The following ARSG variants were observed in gnomAD, a reference collection of about 807,000 sequenced individuals.
ARSG encodes arylsulfatase G.
ARSG carries 37 observed loss-of-function variants against 50.5 expected under a neutral mutation model. The observed-to-expected ratio is 0.73, with a 90% confidence interval of 0.56 to 0.96. ARSG has a LOEUF of 0.96. ARSG is among the 50% of genes least tolerant of loss of function. ARSG has a pLI of 0.00. For synonymous variants in ARSG, 225 were observed against 254.6 expected (o/e 0.88, Z 1.11); for missense variants, 629 against 675.3 (o/e 0.93, Z 0.76).
At chr17:68,434,578 CAT>C in the ARSG span, 2 of 1,613,938 alleles carry the variant, frequency 1.2e-6, no homozygotes, top group Non-Finnish European at 1.7e-6. Flanking sequence ...CTCCGGAACT[CAT>C]AGAGCTTTTG....
intron 6 of ARSG, among the ~76,000 whole-genome samples, chr17:68,364,383 T>G (rs2079443176): frequency 6.6e-6 from 1 of 152,186 alleles, no homozygotes; most frequent in Non-Finnish European, 1.5e-5. Context: ...TTTTGTTTTT[T>G]GTTTATTTGA....
intron 1 of ARSG, among the ~76,000 whole-genome samples, chr17:68,302,736 C>A (rs1356960083): frequency 6.6e-6 from 1 of 152,152 alleles, no homozygotes; most frequent in East Asian, 1.9e-4. Flanking sequence ...AGCTGATTGT[C>A]AACTAAAGTT....
In ARSG at chr17:68,420,572, G is replaced by A. The variant is rs1161517959; in HGVS notation, c.*109G>A. 14 of 1,336,922 alleles carry A rather than the reference G, an allele frequency of 1.0e-5. 1 individual carries two copies. The East Asian group carries it at 1.6e-4, about 15-fold the overall frequency. 82.8% of individuals were successfully genotyped at this position (1,336,922 alleles called of 1,614,324 possible). Reference sequence around the variant, plus strand: ...ACACACGCTTTAGTTTAGTCTTGGAGTTTAGTTTTGGAGTTAGCCTTGCAT... The same window carrying A: ...ACACACGCTTTAGTTTAGTCTTGGAATTTAGTTTTGGAGTTAGCCTTGCAT... On this transcript the variant is annotated 3_prime_UTR_variant, in exon 12 of 12. Transcript: ENST00000621439.
In ARSG at chr17:68,367,984, C is replaced by T. The variant is rs771686637; in HGVS notation, c.705-564C>T. ...ACTCAGGAGGCTGAGGCGGGAGTAT[C>T]GCTTGAACCCAGGAGGCGGAAGTTG... On this transcript the variant is annotated intron_variant, in intron 6 of 11. Transcript: ENST00000621439. The surrounding 1 kb of genome is among the most constrained non-coding windows in gnomAD (Gnocchi z 4.5). Among the ~76,000 whole-genome samples, 2 of 152,068 alleles carry T rather than the reference C, an allele frequency of 1.3e-5. No homozygotes were observed. Among genetic ancestry groups the T allele is most frequent in the Admixed American group, 1.3e-4 (2 of 15,258 alleles).
At chr17:68,301,919 A>G (rs2076432656) in intron 1 of ARSG, among the ~76,000 whole-genome samples, 1 of 152,000 alleles carries the variant, frequency 6.6e-6, no homozygotes, top group Admixed American at 6.6e-5. Context: ...AGATTGTCCC[A>G]GACCACCCCC....
At chr17:68,446,830 A>G in the ARSG span, among the ~76,000 whole-genome samples, 1 of 152,140 alleles carries the variant, frequency 6.6e-6, no homozygotes, top group Admixed American at 6.6e-5. Flanking sequence ...CTCTGATGGC[A>G]CCATCTGCTC....
the ARSG span, chr17:68,433,404 G>A: frequency 7.2e-7 from 1 of 1,393,164 alleles, no homozygotes; most frequent in Non-Finnish European, 1.0e-6. Context: ...ATTCATGCCA[G>A]TAGAAGAGCC....
At chr17:68,433,771 T>TGTTTGTTTTTTTTTTTTTG in the ARSG span, among the ~76,000 whole-genome samples, 1 of 21,362 alleles carries the variant, frequency 4.7e-5, no homozygotes, top group African/African-American at 1.1e-4. Flanking sequence ...TTTTTTTTTT[T>TGTTTGTTTTTTTTTTTTTG]TTTTTTTTTT....
intron 2 of ARSG, among the ~76,000 whole-genome samples, chr17:68,320,682 G>T (rs1555770272): frequency 6.6e-6 from 1 of 152,160 alleles, no homozygotes; most frequent in Non-Finnish European, 1.5e-5. Flanking sequence ...AAGCTGTGGG[G>T]ATCCTGAATG....
chr17:68,332,832 T>C (rs181914994), intron 2 of ARSG, among the ~76,000 whole-genome samples: 7 of 152,282 alleles, frequency 4.6e-5, no homozygotes, highest in African/African-American at 9.6e-5. Context: ...GTTCCATGAA[T>C]TTTGAAGCTG....
At chr17:68,422,226 G>A (rs556594677), downstream of ARSG, 23 of 175,068 alleles carry the variant, frequency 1.3e-4, no homozygotes, top group South Asian at 2.8e-3. Flanking sequence ...AGGAGTTTGA[G>A]ACCAGCCTGG....
At position 68,270,885 on chromosome 17, in the gene ARSG, G is replaced by A. The variant is rs782280325; in HGVS notation, c.-552+11459G>A. ...GTCCTGCTATGCTCTGAATGAAGATGTAGACCCCAGCTGCAGAAGACATCT... is the reference window on the plus strand; with the variant it reads ...GTCCTGCTATGCTCTGAATGAAGATATAGACCCCAGCTGCAGAAGACATCT... On this transcript the variant is annotated intron_variant, in intron 1 of 11. Transcript: ENST00000448504. 24 of 1,614,008 alleles carry A rather than the reference G, an allele frequency of 1.5e-5. No homozygotes were observed. In the Admixed American group the frequency reaches 1.5e-4, roughly 10 times the overall value.
At chr17:68,351,551 G>T (rs1433123816) in intron 4 of ARSG, 24 bp from the exon 5 acceptor site, 11 of 1,401,310 alleles carry the variant, frequency 7.8e-6, no homozygotes, top group Non-Finnish European at 1.1e-5. Flanking sequence ...ACGTGGGGGT[G>T]CTAACCGGTT....
At chr17:68,377,004 C>T (rs1445324808) in intron 8 of ARSG, among the ~76,000 whole-genome samples, 3 of 152,070 alleles carry the variant, frequency 2.0e-5, no homozygotes, top group Non-Finnish European at 2.9e-5. Context: ...GGATTACAGA[C>T]GTGCACCACC....
At chr17:68,451,907 C>T in the ARSG span, among the ~76,000 whole-genome samples, 1 of 152,178 alleles carries the variant, frequency 6.6e-6, no homozygotes. Context: ...GCCTTTCTTC[C>T]ACTTGGAAAA....
chr17:68,357,766 G>C (rs952830674), intron 6 of ARSG, among the ~76,000 whole-genome samples: 1 of 152,146 alleles, frequency 6.6e-6, no homozygotes, highest in Non-Finnish European at 1.5e-5. Context: ...CCATCTGAAG[G>C]GGGCAGCTAC....
the ARSG span, chr17:68,435,600 G>A: frequency 2.5e-6 from 4 of 1,612,150 alleles, no homozygotes; most frequent in Non-Finnish European, 1.7e-6. Flanking sequence ...AGACAGAGGT[G>A]TTGGTGGGAG....
chr17:68,272,719 T>C lies in ARSG; in HGVS notation c.-552+13293T>C. 1 of 1,614,178 alleles carries C rather than the reference T, an allele frequency of 6.2e-7. No individual in the cohort carries two copies. Among genetic ancestry groups the C allele is most frequent in the Non-Finnish European group, 8.5e-7 (1 of 1,180,014 alleles). On this transcript the variant is annotated intron_variant, in intron 1 of 11. Coordinates refer to the ARSG transcript ENST00000448504. ...TATGGAACGTCTTTTGCCAAAATAT[T>C]GTGATAGGATGGTTACAGTTGGGAG... is the stretch of plus-strand genomic sequence containing the variant.
chr17:68,441,644 G>A, the ARSG span, among the ~76,000 whole-genome samples: 1 of 152,192 alleles, frequency 6.6e-6, no homozygotes. Flanking sequence ...GCTGTCCTAT[G>A]GGACAGAGAG....
Sources: allele counts gnomAD v4.1 joint callset (sites outside exome capture counted in the v4.1 genomes callset), GRCh38; gene constraint gnomAD v4.1.1; non-coding constraint Gnocchi (gnomAD v3.1); transcripts MANE v1.5; gene names NCBI Gene and HGNC (gene_info 2026-07-23, HGNC 2026-07-21).